The following CHLSN variants were observed in gnomAD, a reference collection of about 807,000 sequenced individuals.
The protein encoded by CHLSN is cholesin.
the CHLSN span, among the ~76,000 whole-genome samples, chr7:1,028,056 G>A: frequency 1.3e-5 from 2 of 151,990 alleles, no homozygotes; most frequent in African/African-American, 2.4e-5. Context: ...GGGCCTGCTC[G>A]GGGACCGGCG....
the CHLSN span, chr7:1,137,200 C>G: frequency 6.5e-6 from 1 of 152,882 alleles, no homozygotes. Flanking sequence ...GGGCTCCCTG[C>G]TGTTTCCCCT....
At chr7:1,036,737 A>G in the CHLSN span, among the ~76,000 whole-genome samples, 9 of 121,680 alleles carry the variant, frequency 7.4e-5, 1 homozygote, top group African/African-American at 1.3e-4. Flanking sequence ...GATTGAGAGG[A>G]TCGGGGTGGG....
the CHLSN span, among the ~76,000 whole-genome samples, chr7:1,106,059 G>A: frequency 2.0e-5 from 3 of 152,166 alleles, no homozygotes; most frequent in Non-Finnish European, 2.9e-5. Flanking sequence ...TTTCGATGCT[G>A]TTTATTTAGG....
At chr7:1,103,344 G>A in the CHLSN span, among the ~76,000 whole-genome samples, 20 of 152,244 alleles carry the variant, frequency 1.3e-4, no homozygotes, top group African/African-American at 3.9e-4. Context: ...AAACCCTCGC[G>A]CAGGGAGGCA....
chr7:995,505 C>T, the CHLSN span, among the ~76,000 whole-genome samples: 7 of 152,354 alleles, frequency 4.6e-5, no homozygotes, highest in South Asian at 2.1e-4. Flanking sequence ...GCTCTGGTTC[C>T]GGATCCATCA....
the CHLSN span, chr7:986,521 G>A: frequency 9.3e-5 from 127 of 1,369,028 alleles, no homozygotes; most frequent in African/African-American, 8.7e-4. Flanking sequence ...CATCCACCCA[G>A]AGTCCCTGGG....
At chr7:1,134,237 T>C in the CHLSN span, among the ~76,000 whole-genome samples, 2 of 150,294 alleles carry the variant, frequency 1.3e-5, no homozygotes, top group African/African-American at 2.5e-5. Context: ...CACGCCATGA[T>C]ACTCCAGCCT....
At chr7:1,062,705 T>G in the CHLSN span, among the ~76,000 whole-genome samples, 1 of 152,182 alleles carries the variant, frequency 6.6e-6, no homozygotes, top group African/African-American at 2.4e-5. Flanking sequence ...CTCCCAAGGA[T>G]TCCGGCAGAA....
At chr7:1,129,548 C>G in the CHLSN span, among the ~76,000 whole-genome samples, 17 of 151,562 alleles carry the variant, frequency 1.1e-4, no homozygotes, top group Admixed American at 2.0e-4. Flanking sequence ...CAGGCTCAAG[C>G]CATCCTCCCA....
chr7:1,092,347 T>C, the CHLSN span: 2 of 1,611,448 alleles, frequency 1.2e-6, no homozygotes, highest in Non-Finnish European at 1.7e-6. Context: ...GGCCTGCTTC[T>C]GTTTCGCGGA....
the CHLSN span, among the ~76,000 whole-genome samples, chr7:1,113,977 C>G: frequency 1.3e-5 from 2 of 152,248 alleles, no homozygotes; most frequent in Non-Finnish European, 1.5e-5. Flanking sequence ...AGTGGCTCAA[C>G]TTCCCGTCGA....
At chr7:1,028,840 C>A in the CHLSN span, 3 of 788,976 alleles carry the variant, frequency 3.8e-6, no homozygotes, top group Non-Finnish European at 4.6e-6. Context: ...CCAGTCTACC[C>A]CCATCTTCCC....
chr7:1,093,087 C>T, the CHLSN span: 19 of 680,550 alleles, frequency 2.8e-5, 1 homozygote, highest in South Asian at 1.8e-4. Context: ...CCAAAGCGCT[C>T]GCCCCGCAGG....
At chr7:1,028,091 G>C in the CHLSN span, among the ~76,000 whole-genome samples, 1 of 151,414 alleles carries the variant, frequency 6.6e-6, no homozygotes, top group Non-Finnish European at 1.5e-5. Flanking sequence ...GAGAAGCGCG[G>C]CTCGGCCGGC....
chr7:1,016,862 GCA>G, the CHLSN span, among the ~76,000 whole-genome samples: 1 of 132,614 alleles, frequency 7.5e-6, no homozygotes, highest in African/African-American at 3.3e-5. Context: ...GCAGCACACA[GCA>G]CACAGCAGCG....
chr7:987,302 A>G, the CHLSN span: 1 of 1,524,520 alleles, frequency 6.6e-7, no homozygotes, highest in Non-Finnish European at 8.8e-7. Flanking sequence ...ACCCCCAGGG[A>G]CGAGGGATGG....
chr7:978,958 G>C, the CHLSN span, among the ~76,000 whole-genome samples: 2 of 152,214 alleles, frequency 1.3e-5, no homozygotes, highest in African/African-American at 4.8e-5. Flanking sequence ...TCATGTGGAA[G>C]CCTGGCCACG....
At chr7:1,085,766 G>A in the CHLSN span, among the ~76,000 whole-genome samples, 9 of 151,822 alleles carry the variant, frequency 5.9e-5, no homozygotes, top group Non-Finnish European at 1.0e-4. Context: ...CTGGGAGGTG[G>A]AGGCTGCAGT....
At chr7:1,133,554 C>T in the CHLSN span, among the ~76,000 whole-genome samples, 1 of 151,510 alleles carries the variant, frequency 6.6e-6, no homozygotes, top group Non-Finnish European at 1.5e-5. Context: ...ATCAAGACCA[C>T]CCTGGCTAAC....
Sources: allele counts gnomAD v4.1 joint callset (sites outside exome capture counted in the v4.1 genomes callset), GRCh38; gene constraint gnomAD v4.1.1; transcripts MANE v1.5; gene names NCBI Gene and HGNC (gene_info 2026-07-23, HGNC 2026-07-21).